The following UNC13C variants were observed in gnomAD, a reference collection of about 807,000 sequenced individuals.
UNC13C encodes unc-13 homolog C.
In UNC13C, 174 loss-of-function variants were observed where a neutral mutation model predicts 245.4. That is an observed-to-expected ratio of 0.71 (90% CI 0.63 to 0.80). The LOEUF (loss-of-function observed/expected upper bound fraction) is 0.80, where lower values mean the gene tolerates loss of function less well. UNC13C is among the 30% of genes least tolerant of loss of function. The pLI is 0.00. For synonymous variants in UNC13C, 992 were observed against 895.1 expected (o/e 1.11, Z -1.93); for missense variants, 2,829 against 2,602.9 (o/e 1.09, Z -1.89).
At chr15:54,558,490 A>C (rs901659331) in intron 29 of UNC13C, among the ~76,000 whole-genome samples, 2 of 152,076 alleles carry the variant, frequency 1.3e-5, no homozygotes, top group Non-Finnish European at 2.9e-5. Flanking sequence ...ACTTCTTGCT[A>C]TATTAAAATA....
chr15:54,041,315 A>T (rs1039407598), intron 2 of UNC13C, among the ~76,000 whole-genome samples: 1 of 152,316 alleles, frequency 6.6e-6, no homozygotes, highest in East Asian at 1.9e-4. Context: ...AAACACTCTC[A>T]TAACACTTGG....
chr15:53,959,185 C>T, the UNC13C span, among the ~76,000 whole-genome samples: 1 of 152,008 alleles, frequency 6.6e-6, no homozygotes, highest in Non-Finnish European at 1.5e-5. Flanking sequence ...TTTATCTGTT[C>T]ATCCTTTGAT....
rs144966006 is a variant in UNC13C at position 54,161,231 on chromosome 15, C to G, written c.3071+17547C>G. Among the ~76,000 whole-genome samples, 910 of 152,108 alleles carry G rather than the reference C, an allele frequency of 6.0e-3. 7 individuals carry two copies. Among genetic ancestry groups the G allele is most frequent in the Non-Finnish European group, 0.01 (698 of 68,004 alleles). ...CTCCGACCTCAGCCTCCCAAATAGCCGAGACCACAGGTGCATGCTATTTGT... is the reference window on the plus strand; with the variant it reads ...CTCCGACCTCAGCCTCCCAAATAGCGGAGACCACAGGTGCATGCTATTTGT... On this transcript the variant is annotated intron_variant, in intron 4 of 32. Coordinates refer to ENST00000260323, the MANE Select transcript of UNC13C (RefSeq NM_001080534.3).
intron 19 of UNC13C, among the ~76,000 whole-genome samples, chr15:54,438,525 T>G (rs953065428): frequency 9.2e-5 from 14 of 151,978 alleles, no homozygotes; most frequent in African/African-American, 3.4e-4. Flanking sequence ...AGTTCCTGGT[T>G]ACATATAACT....
chr15:53,983,030 T>C (rs2251384), intron 1 of UNC13C, among the ~76,000 whole-genome samples: 40,858 of 152,066 alleles, frequency 0.27, 6,482 homozygotes, highest in South Asian at 0.43. Flanking sequence ...CTTGTTTTCC[T>C]TCAGACAACA....
intron 30 of UNC13C, among the ~76,000 whole-genome samples, chr15:54,577,273 C>T (rs1283849822): frequency 6.6e-6 from 1 of 152,020 alleles, no homozygotes; most frequent in Non-Finnish European, 1.5e-5. Flanking sequence ...AAAAACCGAC[C>T]AGGAAAAAAT....
the UNC13C span, among the ~76,000 whole-genome samples, chr15:53,888,050 A>G: frequency 6.6e-6 from 1 of 152,164 alleles, no homozygotes; most frequent in African/African-American, 2.4e-5. Flanking sequence ...ATGATTTATA[A>G]TCCGTTGGGT....
intron 2 of UNC13C, among the ~76,000 whole-genome samples, chr15:54,033,444 G>T (rs554558022): frequency 4.2e-4 from 64 of 152,170 alleles, no homozygotes; most frequent in African/African-American, 1.5e-3. Flanking sequence ...TTATTGTCGT[G>T]GGATTTTTGA....
intron 26 of UNC13C, 129 bp from the exon 27 acceptor site, chr15:54,546,593 T>A: frequency 2.0e-6 from 1 of 494,380 alleles, no homozygotes; most frequent in East Asian, 3.8e-5. Context: ...CATGAAATAG[T>A]TTTTTGAGAT....
chr15:54,048,859 T>C (rs966912742), intron 2 of UNC13C: 4 of 252,026 alleles, frequency 1.6e-5, no homozygotes, highest in Non-Finnish European at 3.2e-5. Flanking sequence ...TTTGTATCCC[T>C]TTCACGTAAT....
At chr15:53,893,376 A>G in the UNC13C span, among the ~76,000 whole-genome samples, 23,226 of 152,172 alleles carry the variant, frequency 0.15, 1,941 homozygotes, top group East Asian at 0.29. Context: ...ACAGAGCTTG[A>G]ATGCTGTGCT....
At chr15:54,212,734 C>T (rs777605671) in intron 4 of UNC13C, among the ~76,000 whole-genome samples, 1 of 152,018 alleles carries the variant, frequency 6.6e-6, no homozygotes, top group Non-Finnish European at 1.5e-5. Context: ...GTTTGACAGT[C>T]GCTAGCAGAG....
At chr15:54,349,564 A>G (rs894403341) in intron 17 of UNC13C, among the ~76,000 whole-genome samples, 14 of 152,206 alleles carry the variant, frequency 9.2e-5, no homozygotes, top group African/African-American at 3.4e-4. Context: ...AATATTAAAG[A>G]ACATGACTTG....
rs201252790 is a variant in UNC13C at position 54,432,354 on chromosome 15, GTGA to G, written c.4933+17289_4933+17291del. Among the ~76,000 whole-genome samples the G allele has an allele frequency of 5.0e-3, 754 of 151,768 alleles. 5 individuals carry two copies. Among genetic ancestry groups the G allele is most frequent in the African/African-American group, 0.017 (706 of 41,480 alleles). On this transcript the variant is annotated intron_variant, in intron 19 of 32. Transcript: ENST00000260323. The stretch of plus-strand genomic sequence containing the variant: ...ATTCAGAAAAGCGTTCCATAAGGAA[GTGA>G]TTTTTGTGCCAAGATTTCACAAACA...
At chr15:53,845,292 T>G in the UNC13C span, among the ~76,000 whole-genome samples, 1 of 142,190 alleles carries the variant, frequency 7.0e-6, no homozygotes, top group African/African-American at 2.6e-5. Context: ...ACCATTGCAC[T>G]CCAGCCTGGG....
rs547386007 is a variant in UNC13C at position 54,135,032 on chromosome 15, A to G, written c.2984-7986A>G. ...TCTAACAGGTGTGAGGTGATATCTC[A>G]TTTTGGTTTTGATTTGTATTTCTCT... On this transcript the variant is annotated intron_variant, in intron 2 of 32. Coordinates refer to ENST00000260323, the MANE Select transcript of UNC13C (RefSeq NM_001080534.3). Among the ~76,000 whole-genome samples, 283 of 152,092 alleles carry G rather than the reference A, an allele frequency of 1.9e-3. 3 individuals are homozygous for G. Among genetic ancestry groups the G allele is most frequent in the African/African-American group, 6.7e-3 (277 of 41,496 alleles).
rs2040555783 is a variant in UNC13C, at chr15:54,417,975, G to A, written c.4933+2908G>A. On this transcript the variant is annotated intron_variant, in intron 19 of 32. Coordinates refer to ENST00000260323, the MANE Select transcript of UNC13C (RefSeq NM_001080534.3). Reference sequence around the variant, plus strand: ...AGTCTAGCTCTGTCACCAGGCTGGAGTGCAGTGGTGTGATGTTGGCTCACT... The same window carrying A: ...AGTCTAGCTCTGTCACCAGGCTGGAATGCAGTGGTGTGATGTTGGCTCACT... Among the ~76,000 whole-genome samples the A allele has an allele frequency of 4.6e-5, 7 of 152,062 alleles. 1 individual carries two copies. The highest frequency in any genetic ancestry group is 4.1e-4 in the South Asian group (2 of 4,820).
At chr15:54,484,790 A>G (rs1893319234) in intron 19 of UNC13C, among the ~76,000 whole-genome samples, 1 of 152,166 alleles carries the variant, frequency 6.6e-6, no homozygotes, top group South Asian at 2.1e-4. Context: ...ATAGAAATCA[A>G]TTTCCTCCCA....
chr15:53,996,712 T>A (rs982160243), intron 1 of UNC13C, among the ~76,000 whole-genome samples: 3 of 152,158 alleles, frequency 2.0e-5, no homozygotes, highest in African/African-American at 7.2e-5. Context: ...CATAAAATCA[T>A]AGAGTATGTA....
Sources: gnomAD v4.1 joint callset for allele counts (sites outside exome capture counted in the v4.1 genomes callset) on GRCh38, gnomAD v4.1.1 for gene constraint, MANE v1.5 for transcripts, NCBI Gene and HGNC (gene_info 2026-07-23, HGNC 2026-07-21) for gene names.